MITF: variants seen among roughly 807,000 people sequenced by gnomAD.
MITF encodes melanocyte inducing transcription factor.
In MITF, 17 loss-of-function variants were observed where a neutral mutation model predicts 60.5. That is an observed-to-expected ratio of 0.28 (90% CI 0.19 to 0.42). The LOEUF (loss-of-function observed/expected upper bound fraction) is 0.42. MITF is among the 10% of genes least tolerant of loss of function. The probability of loss-of-function intolerance (pLI) is 1.00; values close to 1 mark genes in which losing one functional copy is unlikely to be tolerated. For missense variants in MITF, 622 were observed against 683.5 expected (o/e 0.91, Z 1.00); for synonymous variants, 260 against 248.5 (o/e 1.05, Z -0.43).
chr3:69,771,182 G>A (rs891877865), intron 1 of MITF, among the ~76,000 whole-genome samples: 15 of 151,894 alleles, frequency 9.9e-5, no homozygotes, highest in African/African-American at 3.4e-4. Flanking sequence ...GAGAGACTTG[G>A]GCAACATTTA....
chr3:69,902,384 G>C (rs2107354198), intron 2 of MITF, among the ~76,000 whole-genome samples: 1 of 152,168 alleles, frequency 6.6e-6, no homozygotes, highest in Non-Finnish European at 1.5e-5. Context: ...TTGGCTTACT[G>C]TTGGGTCCCC....
intron 1 of MITF, among the ~76,000 whole-genome samples, chr3:69,857,122 A>G (rs1289682663): frequency 6.6e-6 from 1 of 152,068 alleles, no homozygotes; most frequent in Non-Finnish European, 1.5e-5. Flanking sequence ...GACATGGTTC[A>G]TGCCTTTATG....
chr3:69,755,830 G>A (rs1319445249), intron 1 of MITF, among the ~76,000 whole-genome samples: 1 of 152,144 alleles, frequency 6.6e-6, no homozygotes, highest in Non-Finnish European at 1.5e-5. Flanking sequence ...TAGTAAGGGT[G>A]CAGTAGATAC....
intron 2 of MITF, among the ~76,000 whole-genome samples, chr3:69,925,880 T>G (rs2065574597): frequency 2.0e-5 from 3 of 152,220 alleles, no homozygotes; most frequent in Admixed American, 6.5e-5. Flanking sequence ...TTTTTTTCTC[T>G]TTTACTGTCT....
At chr3:69,752,984 C>T (rs1008324946) in intron 1 of MITF, among the ~76,000 whole-genome samples, 2 of 152,162 alleles carry the variant, frequency 1.3e-5, no homozygotes, top group African/African-American at 4.8e-5. Flanking sequence ...TAAAAAGGGG[C>T]CAAGTGCTAA....
intron 1 of MITF, among the ~76,000 whole-genome samples, chr3:69,855,410 A>G (rs913515835): frequency 1.3e-5 from 2 of 152,124 alleles, no homozygotes; most frequent in African/African-American, 2.4e-5. Flanking sequence ...TACACATTTT[A>G]TAGTATTATT....
intron 6 of MITF, among the ~76,000 whole-genome samples, chr3:69,950,392 A>G (rs1249194766): frequency 6.6e-6 from 1 of 151,218 alleles, no homozygotes; most frequent in Non-Finnish European, 1.5e-5. Flanking sequence ...TGAGGAAAAA[A>G]AAACTAGAAA....
At chr3:69,906,673 A>G (rs1414776368) in intron 2 of MITF, among the ~76,000 whole-genome samples, 1 of 152,162 alleles carries the variant, frequency 6.6e-6, no homozygotes, top group African/African-American at 2.4e-5. Context: ...GTAGTTATTT[A>G]TCACTTCGGA....
chr3:69,953,918 C>T (rs2066332303), intron 7 of MITF, among the ~76,000 whole-genome samples: 1 of 152,016 alleles, frequency 6.6e-6, no homozygotes, highest in Admixed American at 6.6e-5. Context: ...ACGTGCTTGT[C>T]TCTGTGTTTA....
rs199909971 is a variant in MITF at position 69,750,471 on chromosome 3, C to CTTTT, written c.104+10784_104+10787dup. ...TGGCCTGACAATACAAGTGACACTC[C>CTTTT]TTTTTTTTTTTTTTTTTAACTAAAT... On this transcript the variant is annotated intron_variant, in intron 1 of 9. Coordinates refer to ENST00000352241, the MANE Select transcript of MITF (RefSeq NM_001354604.2). 5.1e-3 allele frequency among the ~76,000 whole-genome samples: 635 copies of CTTTT among 123,792 alleles called. 3 individuals carry two copies. The highest frequency in any genetic ancestry group is 0.019 in the African/African-American group (611 of 32,584). 81.2% of individuals were successfully genotyped at this position (123,792 alleles called of 152,430 possible). A position where few individuals can be genotyped will look rare whatever the true frequency, so the allele number is the denominator to read the frequency against.
chr3:69,760,522 T>C (rs895494041), intron 1 of MITF, among the ~76,000 whole-genome samples: 4 of 152,166 alleles, frequency 2.6e-5, no homozygotes, highest in African/African-American at 9.7e-5. Flanking sequence ...CCACTTGGAA[T>C]TACATGCAAA....
At chr3:69,915,460 A>T (rs986550764) in intron 2 of MITF, among the ~76,000 whole-genome samples, 4 of 151,826 alleles carry the variant, frequency 2.6e-5, no homozygotes, top group Non-Finnish European at 5.9e-5. Context: ...TTAATGAATG[A>T]TATTGCCACT....
chr3:69,879,391 A>G lies in MITF; in HGVS notation c.354+8A>G, dbSNP rs768308921. 2 of 1,614,146 alleles carry G rather than the reference A, an allele frequency of 1.2e-6. No homozygotes were observed. The highest frequency in any genetic ancestry group is 1.7e-6 in the Non-Finnish European group (2 of 1,180,016). The stretch of plus-strand genomic sequence containing the variant: ...CCGATGGAAGTCCTTAAGGTACGTG[A>G]GTGTTGCTCTTGTTGGTTGGACCAA... On this transcript the variant is annotated splice_region_variant and intron_variant, in intron 2 of 9. Coordinates refer to ENST00000352241, the MANE Select transcript of MITF (RefSeq NM_001354604.2).
chr3:69,910,428 C>G (rs2065198884), intron 2 of MITF, among the ~76,000 whole-genome samples: 1 of 152,176 alleles, frequency 6.6e-6, no homozygotes. Flanking sequence ...CCTAGTGGAG[C>G]TGTGAGAAGA....
chr3:69,746,583 A>G (rs1447522940), intron 1 of MITF, among the ~76,000 whole-genome samples: 3 of 152,190 alleles, frequency 2.0e-5, no homozygotes, highest in African/African-American at 7.2e-5. Context: ...ATCGGAATAA[A>G]TTATAAAAAT....
At chr3:69,954,768 C>A (rs1027161854) in intron 7 of MITF, among the ~76,000 whole-genome samples, 1 of 152,094 alleles carries the variant, frequency 6.6e-6, no homozygotes, top group Non-Finnish European at 1.5e-5. Flanking sequence ...TTATACAAGC[C>A]TAATGGTAGG....
At chr3:69,788,749 C>A (rs1173379472) in intron 1 of MITF, among the ~76,000 whole-genome samples, 1 of 152,090 alleles carries the variant, frequency 6.6e-6, no homozygotes, top group African/African-American at 2.4e-5. Flanking sequence ...TAAAGACACA[C>A]AAATAGACCA....
intron 2 of MITF, among the ~76,000 whole-genome samples, chr3:69,896,383 G>A (rs952863022): frequency 6.6e-6 from 1 of 152,176 alleles, no homozygotes; most frequent in African/African-American, 2.4e-5. Flanking sequence ...AAAGAAGGCT[G>A]TCTCTGGGAT....
At chr3:69,892,758 C>T (rs2107322609) in intron 2 of MITF, among the ~76,000 whole-genome samples, 1 of 152,266 alleles carries the variant, frequency 6.6e-6, no homozygotes, top group East Asian at 1.9e-4. Flanking sequence ...ATCTGTAATT[C>T]CCCCAGCAGT....
Sources: allele counts gnomAD v4.1 joint callset (sites outside exome capture counted in the v4.1 genomes callset), GRCh38; gene constraint gnomAD v4.1.1; transcripts MANE v1.5; gene names NCBI Gene and HGNC (gene_info 2026-07-23, HGNC 2026-07-21).